Variants in ITGAL observed in about 807,000 individuals in gnomAD.
ITGAL encodes integrin subunit alpha L.
A neutral mutation model predicts 138.4 loss-of-function variants in ITGAL; 68 were observed. The observed-to-expected ratio is 0.49, with a 90% CI of 0.40 to 0.60. The LOEUF is 0.60. ITGAL is among the 20% of genes least tolerant of loss of function. The probability of loss-of-function intolerance (pLI) is 0.00; values close to 1 mark genes in which losing one functional copy is unlikely to be tolerated. For missense variants in ITGAL, 1,256 were observed against 1,478.6 expected, an observed-to-expected ratio of 0.85 and a Z score of 2.47; for synonymous variants, 561 against 584.3, an observed-to-expected ratio of 0.96 and a Z score of 0.57.
In ITGAL at chr16:30,494,288, G is replaced by A; in HGVS notation, c.1290G>A (p.Met430Ile). ...LASGAPRYQHMGRVLLFQEPQ... is the reference protein window; with the variant it reads ...LASGAPRYQHIGRVLLFQEPQ... ...CGGGAGCCCCTCGATACCAGCACAT[G>A]GGCCGAGTGCTGCTGTTCCAAGAGC... The change falls in exon 12 of 31, where the codon ATG (methionine) becomes ATA (isoleucine). Residue 430 changes from methionine (M) to isoleucine (I), a missense_variant. Around this residue, in one of 3 missense-constraint regions of ITGAL, gnomAD observed 867 missense variants for 972.5 expected, o/e 0.89. Coordinates refer to ENST00000356798, the MANE Select transcript of ITGAL (RefSeq NM_002209.3). The surrounding 1 kb of genome is among the most constrained non-coding windows in gnomAD (Gnocchi z 4.2). The A allele has an allele frequency of 6.2e-7, 1 of 1,613,664 alleles. No homozygotes were observed. Among genetic ancestry groups the A allele is most frequent in the South Asian group, 1.1e-5 (1 of 91,058 alleles).
At chr16:30,519,627 G>T (rs961210475) in intron 29 of ITGAL, 28 of 524,476 alleles carry the variant, frequency 5.3e-5, no homozygotes, top group Non-Finnish European at 8.6e-5. Context: ...GCTGAGCTGC[G>T]TGCGATTCCG....
intron 6 of ITGAL, chr16:30,481,237 T>G (rs2050555056): frequency 3.9e-6 from 2 of 515,976 alleles, no homozygotes; most frequent in Non-Finnish European, 6.9e-6. Context: ...TCGCAGCTAC[T>G]TGGGAGGCTG....
intron 28 of ITGAL, 29 bp downstream of exon 28, chr16:30,517,924 C>G (rs1421115707): frequency 6.2e-7 from 1 of 1,603,624 alleles, no homozygotes; most frequent in Admixed American, 1.7e-5. Context: ...AGATGTGGAG[C>G]TGCTGTGGGG....
At position 30,514,970 on chromosome 16, in the gene ITGAL, G is replaced by A. The variant is rs35631296; in HGVS notation, c.2862+1124G>A. Among the ~76,000 whole-genome samples, 622 of 151,436 alleles carry A rather than the reference G, an allele frequency of 4.1e-3. 2 individuals are homozygous for A. The highest frequency in any genetic ancestry group is 0.014 in the African/African-American group (589 of 41,244). Reference sequence around the variant, plus strand: ...CTTCTGAGTAGCTGAGATTACAGGCGCCCACCACCACGCCAGGCTAATGTT... The same window carrying A: ...CTTCTGAGTAGCTGAGATTACAGGCACCCACCACCACGCCAGGCTAATGTT... On this transcript the variant is annotated intron_variant, in intron 25 of 30. Coordinates refer to ENST00000356798, the MANE Select transcript of ITGAL (RefSeq NM_002209.3).
Position 30,506,806 on chromosome 16 carries a change from G to A in ITGAL, c.2458G>A (p.Asp820Asn). The A allele has an allele frequency of 6.2e-7, 1 of 1,613,960 alleles. No individual in the cohort carries two copies. Among genetic ancestry groups the A allele is most frequent in the East Asian group, 2.2e-5 (1 of 44,868 alleles). ...AGAAGATGCTTACTGGGTCCAGCTGGACCTGCACTTCCCCCCGGGACTCTC... is the reference window on the plus strand; with the variant it reads ...AGAAGATGCTTACTGGGTCCAGCTGAACCTGCACTTCCCCCCGGGACTCTC... Reference protein sequence around the residue: ...LEEDAYWVQLDLHFPPGLSFR... With the variant: ...LEEDAYWVQLNLHFPPGLSFR... Residue 820 changes from aspartate to asparagine, a missense_variant, in exon 21 of 31, where the codon GAC becomes AAC. Asp to Asn is a conservative substitution (Grantham distance 23). Around this residue, in one of 3 missense-constraint regions of ITGAL, gnomAD observed 867 missense variants for 972.5 expected, o/e 0.89. Coordinates refer to ENST00000356798, the MANE Select transcript of ITGAL (RefSeq NM_002209.3).
At chr16:30,498,354 G>T (rs531814141) in intron 15 of ITGAL, among the ~76,000 whole-genome samples, 2 of 151,706 alleles carry the variant, frequency 1.3e-5, no homozygotes, top group African/African-American at 4.8e-5. Flanking sequence ...ATCGCTGGAG[G>T]CCAGGAGTGT....
intron 17 of ITGAL, among the ~76,000 whole-genome samples, chr16:30,501,175 T>A (rs2050892252): frequency 6.6e-6 from 1 of 152,112 alleles, no homozygotes; most frequent in Non-Finnish European, 1.5e-5. Context: ...TTTATGGGCA[T>A]TTTTAACATG....
chr16:30,480,177 C>T (rs2050533220), intron 6 of ITGAL, among the ~76,000 whole-genome samples: 1 of 142,898 alleles, frequency 7.0e-6, no homozygotes, highest in Non-Finnish European at 1.5e-5. Flanking sequence ...TCAAGAGATC[C>T]TCCTGCCTTG....
intron 21 of ITGAL, among the ~76,000 whole-genome samples, chr16:30,507,146 A>G (rs969287840): frequency 3.3e-5 from 5 of 152,036 alleles, no homozygotes; most frequent in African/African-American, 1.2e-4. Context: ...AACATGGTGA[A>G]ACCCTGTCTC....
At chr16:30,508,744 T>C (rs1251518305) in intron 21 of ITGAL, among the ~76,000 whole-genome samples, 1 of 151,916 alleles carries the variant, frequency 6.6e-6, no homozygotes, top group Non-Finnish European at 1.5e-5. Context: ...CCTGTAGTCC[T>C]GCTACTCAGG....
intron 20 of ITGAL, among the ~76,000 whole-genome samples, chr16:30,505,950 A>C (rs2050984458): frequency 6.6e-6 from 1 of 152,194 alleles, no homozygotes; most frequent in Non-Finnish European, 1.5e-5. Flanking sequence ...TGAGATTGCA[A>C]GAATTGTAAA....
intron 9 of ITGAL, among the ~76,000 whole-genome samples, chr16:30,488,479 G>A (rs1169274450): frequency 6.6e-6 from 1 of 151,898 alleles, no homozygotes; most frequent in Non-Finnish European, 1.5e-5. Context: ...TTGGGAGGCC[G>A]AGGCGGGTGG....
chr16:30,513,098 C>T (rs976455057), intron 24 of ITGAL, among the ~76,000 whole-genome samples: 1 of 152,106 alleles, frequency 6.6e-6, no homozygotes, highest in Non-Finnish European at 1.5e-5. Flanking sequence ...TGGAAGAGTT[C>T]GTGGAGAAAG....
chr16:30,502,180 G>A (rs969739288), intron 17 of ITGAL, among the ~76,000 whole-genome samples: 5 of 149,520 alleles, frequency 3.3e-5, no homozygotes, highest in African/African-American at 7.4e-5. Context: ...GGCGGATCAC[G>A]AGGTGAGGAG....
chr16:30,521,692 C>T lies in ITGAL; in HGVS notation c.*27C>T, dbSNP rs1298227706. 1.8e-5 allele frequency: 29 copies of T among 1,607,506 alleles called. No individual in the cohort carries two copies. The highest frequency in any genetic ancestry group is 2.5e-5 in the Non-Finnish European group (29 of 1,176,634). On this transcript the variant is annotated 3_prime_UTR_variant, in exon 31 of 31. Transcript: ENST00000356798. ...TCCAGGCCTGTGAGGTGCAGAGTGC[C>T]CAGAACTGGACTCAGGATGCCCAGG...
chr16:30,514,868 A>G (rs1386580392), intron 25 of ITGAL, among the ~76,000 whole-genome samples: 9 of 139,352 alleles, frequency 6.5e-5, no homozygotes, highest in African/African-American at 2.5e-4. Context: ...TCTGTCACCC[A>G]GGTTGGAGTG....
At chr16:30,514,613 G>T (rs145835379) in intron 25 of ITGAL, among the ~76,000 whole-genome samples, 5 of 151,584 alleles carry the variant, frequency 3.3e-5, no homozygotes, top group African/African-American at 1.2e-4. Context: ...TTGTAGAGGC[G>T]GAGTTTTGCC....
Position 30,521,957 on chromosome 16 carries a change from A to G in ITGAL, c.*292A>G. On this transcript the variant is annotated 3_prime_UTR_variant, in exon 31 of 31. Transcript: ENST00000356798. The stretch of plus-strand genomic sequence containing the variant: ...CCTTGGAAGAGAATGTCTGATCTAA[A>G]TGTGGAGAAACTGTAGTCTCAGGAC... 1 of 353,682 alleles carries G rather than the reference A, an allele frequency of 2.8e-6. No individual in the cohort carries two copies. 21.9% of individuals were successfully genotyped at this position (353,682 alleles called of 1,614,324 possible).
At position 30,494,946 on chromosome 16, in the gene ITGAL, G is replaced by A; in HGVS notation, c.1503+96G>A. On this transcript the variant is annotated intron_variant, in intron 13 of 30. Transcript: ENST00000356798. The surrounding 1 kb of genome is among the most constrained non-coding windows in gnomAD (Gnocchi z 4.2). Reference sequence around the variant, plus strand: ...AAGGCTTTCTCTGTCTGGTCACGTGGCGATCAAACTTTTAGAACGACAGAG... The same window carrying A: ...AAGGCTTTCTCTGTCTGGTCACGTGACGATCAAACTTTTAGAACGACAGAG... 1 of 1,397,960 alleles carries A rather than the reference G, an allele frequency of 7.2e-7. No individual in the cohort carries two copies. The highest frequency in any genetic ancestry group is 2.5e-5 in the Admixed American group (1 of 40,190). The allele number at this position is 1,397,960 out of a possible 1,614,324, so 86.6% of individuals were successfully genotyped here. A position where few individuals can be genotyped will look rare whatever the true frequency, so the allele number is the denominator to read the frequency against.
Sources: gnomAD v4.1 joint callset for allele counts (sites outside exome capture counted in the v4.1 genomes callset) on GRCh38, gnomAD v4.1.1 for gene constraint, gnomAD v4.1.1 regional missense constraint, Gnocchi (gnomAD v3.1) non-coding constraint, MANE v1.5 for transcripts, NCBI Gene and HGNC (gene_info 2026-07-23, HGNC 2026-07-21) for gene names.